The following GARIN5A variants were observed in gnomAD, a reference collection of about 807,000 sequenced individuals.
GARIN5A encodes golgi associated RAB2 interactor 5A.
At chr19:50,469,838 C>T in the GARIN5A span, among the ~76,000 whole-genome samples, 2 of 152,180 alleles carry the variant, frequency 1.3e-5, no homozygotes, top group African/African-American at 4.8e-5. Flanking sequence ...TCCCCTGCCA[C>T]ACCGCCTGTA....
the GARIN5A span, chr19:50,467,705 G>A: frequency 3.8e-6 from 6 of 1,596,116 alleles, no homozygotes; most frequent in African/African-American, 2.7e-5. Context: ...CCGAACTCTC[G>A]GTCTCGGGTC....
At chr19:50,473,273 T>G in the GARIN5A span, among the ~76,000 whole-genome samples, 1 of 152,154 alleles carries the variant, frequency 6.6e-6, no homozygotes, top group South Asian at 2.1e-4. Flanking sequence ...AATGTGAGTT[T>G]GTCCTTCCTT....
At chr19:50,475,257 T>G in the GARIN5A span, 1 of 1,498,670 alleles carries the variant, frequency 6.7e-7, no homozygotes, top group East Asian at 2.3e-5. Context: ...CGAGGGGAGG[T>G]ACTGCTGGGG....
chr19:50,472,238 G>GCGTATA, the GARIN5A span, among the ~76,000 whole-genome samples: 4 of 81,926 alleles, frequency 4.9e-5, no homozygotes, highest in African/African-American at 2.0e-4. Context: ...ACATGTATGT[G>GCGTATA]TGTATTATAT....
the GARIN5A span, among the ~76,000 whole-genome samples, chr19:50,470,657 GT>G: frequency 0.012 from 1,649 of 133,928 alleles, 32 homozygotes; most frequent in African/African-American, 0.043. Flanking sequence ...GGCTACTGCT[GT>G]TTTTTTTTTT....
At chr19:50,468,395 C>G in the GARIN5A span, among the ~76,000 whole-genome samples, 1 of 146,018 alleles carries the variant, frequency 6.8e-6, no homozygotes, top group Middle Eastern at 3.2e-3. Context: ...AAAATCCCAT[C>G]TTGGGTGTGG....
the GARIN5A span, among the ~76,000 whole-genome samples, chr19:50,470,609 G>A: frequency 4.0e-5 from 6 of 151,656 alleles, no homozygotes; most frequent in African/African-American, 9.7e-5. Context: ...TCGTGCTGAC[G>A]AGGGGGTGGG....
At chr19:50,472,811 G>A in the GARIN5A span, among the ~76,000 whole-genome samples, 1 of 151,946 alleles carries the variant, frequency 6.6e-6, no homozygotes, top group Non-Finnish European at 1.5e-5. Context: ...TGGGAGGATC[G>A]CTTGCGCCTG....
At chr19:50,475,923 C>A in the GARIN5A span, 4 of 1,613,574 alleles carry the variant, frequency 2.5e-6, 1 homozygote, top group South Asian at 4.4e-5. Flanking sequence ...TGGGACGGCC[C>A]GTGGGAGAGG....
the GARIN5A span, among the ~76,000 whole-genome samples, chr19:50,474,877 T>C: frequency 1.3e-5 from 2 of 152,132 alleles, no homozygotes; most frequent in East Asian, 1.9e-4. Flanking sequence ...TCCACAATCA[T>C]GACAAGCTTG....
chr19:50,474,182 CTT>C, the GARIN5A span, among the ~76,000 whole-genome samples: 10 of 146,094 alleles, frequency 6.8e-5, no homozygotes, highest in African/African-American at 1.3e-4. Flanking sequence ...TTTATTCTCT[CTT>C]TTTTTTTTTG....
the GARIN5A span, chr19:50,476,431 C>G: frequency 6.5e-7 from 1 of 1,548,864 alleles, no homozygotes; most frequent in Non-Finnish European, 8.7e-7. Context: ...TGCCAGTGCG[C>G]AGGTGCCGGG....
the GARIN5A span, chr19:50,476,337 A>G: frequency 1.3e-6 from 2 of 1,585,236 alleles, no homozygotes; most frequent in East Asian, 2.2e-5. Flanking sequence ...ATTTGTGATG[A>G]CGTCCCTGGA....
the GARIN5A span, chr19:50,476,516 C>G: frequency 5.4e-4 from 840 of 1,569,026 alleles, 4 homozygotes; most frequent in African/African-American, 9.5e-3. Context: ...GGCTCACAGC[C>G]GTCCCTTCGC....
At chr19:50,476,317 C>T in the GARIN5A span, 2 of 1,592,562 alleles carry the variant, frequency 1.3e-6, no homozygotes, top group Non-Finnish European at 1.7e-6. Context: ...CACACAAGAG[C>T]GGGCTCCTGA....
chr19:50,472,693 G>A, the GARIN5A span, among the ~76,000 whole-genome samples: 7 of 152,090 alleles, frequency 4.6e-5, no homozygotes, highest in African/African-American at 9.6e-5. Context: ...CCAGGAGTTC[G>A]AGACCAGCTT....
the GARIN5A span, chr19:50,476,293 G>A: frequency 1.9e-6 from 3 of 1,601,952 alleles, no homozygotes; most frequent in African/African-American, 2.7e-5. Flanking sequence ...GATGCGGAGC[G>A]GGCTTTATGA....
chr19:50,476,425 A>G, the GARIN5A span: 1 of 1,547,660 alleles, frequency 6.5e-7, no homozygotes, highest in Non-Finnish European at 8.7e-7. Flanking sequence ...GACGGGTGCC[A>G]GTGCGCAGGT....
chr19:50,467,412 ACC>A, the GARIN5A span: 1 of 594,862 alleles, frequency 1.7e-6, no homozygotes. Flanking sequence ...CCTCCCTCAG[ACC>A]CAGGAGTCCA....
Sources: allele counts gnomAD v4.1 joint callset (sites outside exome capture counted in the v4.1 genomes callset), GRCh38; gene constraint gnomAD v4.1.1; transcripts MANE v1.5; gene names NCBI Gene and HGNC (gene_info 2026-07-23, HGNC 2026-07-21).